Variants in UNKL observed in about 807,000 individuals in gnomAD.
The protein encoded by UNKL is putative E3 ubiquitin-protein ligase UNKL.
A neutral mutation model predicts 78.0 loss-of-function variants in UNKL; 60 were observed. The ratio of observed to expected loss-of-function variants is 0.77; its 90% confidence interval spans 0.63 to 0.95. UNKL has a LOEUF of 0.95. Among genes scored for constraint, UNKL ranks in the 40% least tolerant of loss-of-function variants. The pLI is 0.00. For missense variants in UNKL, 1,159 were observed against 1,045.7 expected (o/e 1.11, Z -1.49); for synonymous variants, 608 against 474.8 (o/e 1.28, Z -3.65).
At chr16:1,368,809 G>A (rs2035531428) in intron 12 of UNKL, among the ~76,000 whole-genome samples, 1 of 152,072 alleles carries the variant, frequency 6.6e-6, no homozygotes, top group African/African-American at 2.4e-5. Context: ...GCTGAGACAT[G>A]ACAATCATTT....
chr16:1,401,994 C>T (rs967450181), intron 3 of UNKL, among the ~76,000 whole-genome samples: 2 of 152,230 alleles, frequency 1.3e-5, no homozygotes. Flanking sequence ...ATCTCCCGGG[C>T]TCAAGCGATC....
At chr16:1,412,988 C>G (rs998112850) in intron 2 of UNKL, among the ~76,000 whole-genome samples, 2 of 152,172 alleles carry the variant, frequency 1.3e-5, no homozygotes, top group Non-Finnish European at 2.9e-5. Flanking sequence ...TGGCTCACAC[C>G]TGGAATCCCA....
chr16:1,397,801 TG>T (rs1303895571), intron 5 of UNKL, among the ~76,000 whole-genome samples: 1 of 150,634 alleles, frequency 6.6e-6, no homozygotes, highest in African/African-American at 2.4e-5. Context: ...TGCTTCACGC[TG>T]GGGCAGGGCG....
chr16:1,401,345 CAG>C (rs1407350917), intron 4 of UNKL: 10 of 460,716 alleles, frequency 2.2e-5, no homozygotes, highest in African/African-American at 4.0e-5. Context: ...CCAGTTGCCG[CAG>C]AGATTCAGAG....
rs74647707 is a variant in UNKL at position 1,397,181 on chromosome 16, G to C, written c.849C>G (p.Pro283=). 7.1e-6 allele frequency: 11 copies of C among 1,547,424 alleles called. No individual in the cohort carries two copies. Among genetic ancestry groups the C allele is most frequent in the Non-Finnish European group, 9.6e-6 (11 of 1,146,936 alleles). The stretch of plus-strand genomic sequence containing the variant: ...CTGGGGGGTTGGAGGGACGTACCTC[G>C]GGATGGAACTGCTGCTCCGTGCGGG... ...CHSRTEQQFH[P]EIYKSTKCND... Residue 283 remains proline, a synonymous_variant, in exon 6 of 15, where the codon CCC becomes CCG. Coordinates refer to ENST00000389221, the MANE Select transcript of UNKL (RefSeq NM_001372107.1).
At chr16:1,400,343 G>A (rs1377722320) in intron 4 of UNKL, among the ~76,000 whole-genome samples, 1 of 134,106 alleles carries the variant, frequency 7.5e-6, no homozygotes. Flanking sequence ...GCTTGAACCT[G>A]GCAGGCGGAG....
At chr16:1,376,349 AG>A (rs1384587009) in intron 10 of UNKL, among the ~76,000 whole-genome samples, 1 of 102,628 alleles carries the variant, frequency 9.7e-6, no homozygotes, top group Non-Finnish European at 1.9e-5. Context: ...CCCTCACTCT[AG>A]GGCTGGGGTG....
rs2037009586 is a variant in UNKL, at chr16:1,390,660, G to C, written c.1058C>G (p.Pro353Arg). 6.5e-7 allele frequency: 1 copy of C among 1,536,014 alleles called. No homozygotes were observed. Among genetic ancestry groups the C allele is most frequent in the South Asian group, 1.2e-5 (1 of 84,066 alleles). ...KRRDSPAEGG[P>R]RGSEQDSKQN... is the part of the protein sequence containing the mutation. ...CTTGCTGTCTTGCTCGCTGCCCCTAGGGCCACCCTCGGCCGGCGAGTCTCT... is the reference window on the plus strand; with the variant it reads ...CTTGCTGTCTTGCTCGCTGCCCCTACGGCCACCCTCGGCCGGCGAGTCTCT... Residue 353 changes from proline to arginine, a missense_variant, in exon 9 of 15, where the codon CCT becomes CGT. By Grantham distance (103) the Pro-to-Arg change is moderately radical. Transcript: ENST00000389221.
At chr16:1,408,193 G>C (rs940011857) in intron 2 of UNKL, among the ~76,000 whole-genome samples, 3 of 152,170 alleles carry the variant, frequency 2.0e-5, no homozygotes, top group East Asian at 1.9e-4. Flanking sequence ...TCTGTTTAAA[G>C]AGAAAAGCAA....
Position 1,367,775 on chromosome 16 carries a change from G to T in UNKL, c.1669C>A (p.Pro557Thr), listed in dbSNP as rs1233887499. 4.4e-5 allele frequency: 70 copies of T among 1,573,244 alleles called. No individual in the cohort carries two copies. Among genetic ancestry groups the T allele is most frequent in the Non-Finnish European group, 6.0e-5 (70 of 1,159,936 alleles). The change falls in exon 13 of 15, where the codon CCC becomes ACC. Residue 557 changes from proline (P) to threonine (T), a missense_variant. Pro to Thr is a conservative substitution (Grantham distance 38). Coordinates refer to ENST00000389221, the MANE Select transcript of UNKL (RefSeq NM_001372107.1). ...PSPSPILSAG[P>T]PSSSSASPNG... is the part of the protein sequence containing the mutation. The stretch of plus-strand genomic sequence containing the variant: ...GGACTTGCACTCGAAGAGGATGGGG[G>T]GCCGGCACTCAGGATGGGGGAGGGG...
At chr16:1,413,779 G>C in intron 2 of UNKL, 67 bp downstream of exon 2, 2 of 1,454,598 alleles carry the variant, frequency 1.4e-6, no homozygotes, top group Non-Finnish European at 1.8e-6. Flanking sequence ...TGAGGGTCCC[G>C]GCCGCATCCC....
chr16:1,383,229 G>A (rs1233234112), intron 10 of UNKL, among the ~76,000 whole-genome samples: 3 of 143,668 alleles, frequency 2.1e-5, no homozygotes, highest in Non-Finnish European at 4.5e-5. Flanking sequence ...CCAAGATCAC[G>A]CCACTGCACT....
chr16:1,398,304 G>A (rs756088159), intron 5 of UNKL: 107 of 998,324 alleles, frequency 1.1e-4, no homozygotes, highest in Admixed American at 7.0e-4. Context: ...TCTACTCTTC[G>A]TGGAATCTCT....
At position 1,365,504 on chromosome 16, in the gene UNKL, C is replaced by A. The variant is rs996214599; in HGVS notation, c.*736G>T. On this transcript the variant is annotated 3_prime_UTR_variant, in exon 15 of 15. Transcript: ENST00000389221. ...GCTCTCCTGCTCCCACGCCACGAGG[C>A]TGGAACATCAGCCCCAGTGCCTGGT... is the stretch of plus-strand genomic sequence containing the variant. 1 of 152,556 alleles carries A rather than the reference C, an allele frequency of 6.6e-6. No individual in the cohort carries two copies. The highest frequency in any genetic ancestry group is 1.5e-5 in the Non-Finnish European group (1 of 68,036). 9.5% of individuals were successfully genotyped at this position (152,556 alleles called of 1,614,324 possible). A position where few individuals can be genotyped will look rare whatever the true frequency, so the allele number is the denominator to read the frequency against.
intron 2 of UNKL, among the ~76,000 whole-genome samples, chr16:1,411,502 A>T (rs1445574725): frequency 6.6e-6 from 1 of 152,166 alleles, no homozygotes; most frequent in African/African-American, 2.4e-5. Context: ...CCTGCACTCC[A>T]GCCCAGGGCA....
chr16:1,402,062 C>T (rs1246880466), intron 3 of UNKL, among the ~76,000 whole-genome samples: 1 of 152,226 alleles, frequency 6.6e-6, no homozygotes, highest in Admixed American at 6.5e-5. Context: ...TATGCTCAGC[C>T]CCACCCAAGT....
intron 12 of UNKL, 40 bp downstream of exon 12, chr16:1,370,090 G>A: frequency 6.5e-7 from 1 of 1,544,246 alleles, no homozygotes; most frequent in Non-Finnish European, 8.8e-7. Context: ...CCCCACGGAG[G>A]CTTCACGGCA....
intron 2 of UNKL, among the ~76,000 whole-genome samples, chr16:1,410,955 G>C (rs1201652481): frequency 6.6e-6 from 1 of 152,188 alleles, no homozygotes; most frequent in Admixed American, 6.5e-5. Context: ...CTATGGCCGG[G>C]TGTGGTGGTT....
At chr16:1,376,466 CTCCAGGGCTGGGGTGCACTCCTCCTCCT>C (rs956686926) in intron 10 of UNKL, among the ~76,000 whole-genome samples, 9 of 149,714 alleles carry the variant, frequency 6.0e-5, no homozygotes, top group African/African-American at 1.5e-4. Flanking sequence ...CTCCTCCTCC[CTCCAGGGCTGGGGTGCACTCCTCCTCCT>C]GGCGTCCATC....
Sources: gnomAD v4.1 joint callset for allele counts (sites outside exome capture counted in the v4.1 genomes callset) on GRCh38, gnomAD v4.1.1 for gene constraint, MANE v1.5 for transcripts, NCBI Gene and HGNC (gene_info 2026-07-23, HGNC 2026-07-21) for gene names.